The following DGKQ variants were observed in gnomAD, a reference collection of about 807,000 sequenced individuals.
DGKQ encodes DAG kinase theta.
In DGKQ, 97 loss-of-function variants were observed where a neutral mutation model predicts 104.2. The ratio of observed to expected loss-of-function variants is 0.93; its 90% confidence interval spans 0.79 to 1.10. DGKQ has a LOEUF of 1.10. Among genes scored for constraint, DGKQ ranks in the 50% least tolerant of loss-of-function variants. DGKQ has a pLI of 0.00. For synonymous variants in DGKQ, 736 were observed against 595.2 expected, an observed-to-expected ratio of 1.24 and a Z score of -3.44; for missense variants, 1,465 against 1,352.1, an observed-to-expected ratio of 1.08 and a Z score of -1.31.
rs1340216282 is a variant in DGKQ at position 971,640 on chromosome 4, G to T, written c.272-568C>A. On this transcript the variant is annotated intron_variant, in intron 1 of 22. Coordinates refer to ENST00000273814, the MANE Select transcript of DGKQ (RefSeq NM_001347.4). This position sits in a 1 kb window ranked among gnomAD's most constrained non-coding sequence, Gnocchi z 4.0. ...CTCTGGCTGTGTGCATAGGACCCAG[G>T]GAGCACCTGAGCCGGCGGGGTGCTC... Among the ~76,000 whole-genome samples the T allele has an allele frequency of 1.3e-5, 2 of 152,118 alleles. No individual in the cohort carries two copies. The highest frequency in any genetic ancestry group is 4.8e-5 in the African/African-American group (2 of 41,422).
intron 6 of DGKQ, 31 bp downstream of exon 6, chr4:967,849 C>T (rs1166796202): frequency 1.3e-6 from 2 of 1,496,456 alleles, no homozygotes; most frequent in Non-Finnish European, 1.8e-6. Context: ...CAGCCCCCAG[C>T]CCAGGGCGCC....
Position 968,043 on chromosome 4 carries a change from CCTGAG to C in DGKQ, c.664-21_664-17del, listed in dbSNP as rs1335080087. On this transcript the variant is annotated splice_polypyrimidine_tract_variant and intron_variant, in intron 5 of 22. Transcript: ENST00000273814. Reference sequence around the variant, plus strand: ...GGGAGTGCGCCTGGGGGGAGAAGGGCCTGAGCTGGGGGGTTGGAGCCAGGGTGCGG... The same window carrying C: ...GGGAGTGCGCCTGGGGGGAGAAGGGCCTGGGGGGTTGGAGCCAGGGTGCGG... 1.2e-5 allele frequency: 17 copies of C among 1,419,726 alleles called. No homozygotes were observed. The highest frequency in any genetic ancestry group is 3.0e-5 in the Admixed American group (1 of 32,904). 87.9% of individuals were successfully genotyped at this position (1,419,726 alleles called of 1,614,324 possible).
In DGKQ at chr4:968,815, G is replaced by A. The variant is rs149082654; in HGVS notation, c.447C>T (p.Cys149=). 1.5e-4 allele frequency: 244 copies of A among 1,609,496 alleles called. No homozygotes were observed. Among genetic ancestry groups the A allele is most frequent in the African/African-American group, 1.2e-3 (90 of 75,004 alleles). ...AGCCAGGCAGGCTCCAGGTACCTTCGCAGTGGAGCGCCGGTGCCTCCAGGA... is the reference window on the plus strand; with the variant it reads ...AGCCAGGCAGGCTCCAGGTACCTTCACAGTGGAGCGCCGGTGCCTCCAGGA... ...RKVLEAPALH[C]EVCELHLHPD... Residue 149 remains cysteine (C), a synonymous_variant, in exon 3 of 23, where the codon TGC becomes TGT. Transcript: ENST00000273814.
intron 15 of DGKQ, among the ~76,000 whole-genome samples, chr4:964,970 C>A (rs1712185825): frequency 6.6e-6 from 1 of 152,140 alleles, no homozygotes; most frequent in Non-Finnish European, 1.5e-5. Context: ...TGACCTCAGG[C>A]CCCTTGCTGT....
Position 961,713 on chromosome 4 carries a change from C to T in DGKQ, c.2437G>A (p.Gly813Ser), listed in dbSNP as rs1452323743. 3 of 1,612,588 alleles carry T rather than the reference C, an allele frequency of 1.9e-6. No homozygotes were observed. Among genetic ancestry groups the T allele is most frequent in the Non-Finnish European group, 2.5e-6 (3 of 1,179,938 alleles). ...CTGGGGATGTTGATGAAGATGAGGCCTTCAATACTGGGCAGCTCCACCTCC... is the reference window on the plus strand; with the variant it reads ...CTGGGGATGTTGATGAAGATGAGGCTTTCAATACTGGGCAGCTCCACCTCC... ...RQEVELPSIE[G>S]LIFINIPSWG... The change falls in exon 20 of 23, where the codon GGC (glycine) becomes AGC (serine). Residue 813 changes from glycine to serine, a missense_variant. Physicochemically the swap from Gly to Ser is moderately conservative, Grantham distance 56. Coordinates refer to ENST00000273814, the MANE Select transcript of DGKQ (RefSeq NM_001347.4).
Position 967,211 on chromosome 4 carries a change from C to A in DGKQ, c.1138G>T (p.Gly380Cys). 2 of 1,585,826 alleles carry A rather than the reference C, an allele frequency of 1.3e-6. No homozygotes were observed. The highest frequency in any genetic ancestry group is 1.7e-6 in the Non-Finnish European group (2 of 1,167,348). ...ACCCAGGCCTCTGGCGTGGCCTCGC[C>A]GGACCCGGGGCTTCTGCCCTCCTCC... ...ISEEGRSPGS[G>C]EATPEAWVIR... The change falls in exon 9 of 23, where the codon GGC (glycine) becomes TGC (cysteine). Residue 380 changes from glycine to cysteine, a missense_variant. By Grantham distance (159) the Gly-to-Cys change is radical. Coordinates refer to ENST00000273814, the MANE Select transcript of DGKQ (RefSeq NM_001347.4).
chr4:967,774 G>C lies in DGKQ; in HGVS notation c.840C>G (p.Ser280Arg). ...TCTCTCTGCCTGGACCCACGGCAGC[G>C]CTCCCGTCGGCGCCGTCGCCCCCCT... ...PGEGGDGADG[S>R]AAVGPGRETQ... Residue 280 changes from serine (S) to arginine (R), a missense_variant, in exon 7 of 23, where the codon AGC becomes AGG. By Grantham distance (110) the Ser-to-Arg change is moderately radical. Coordinates refer to ENST00000273814, the MANE Select transcript of DGKQ (RefSeq NM_001347.4). 6.2e-7 allele frequency: 1 copy of C among 1,606,504 alleles called. No individual in the cohort carries two copies. The highest frequency in any genetic ancestry group is 2.2e-5 in the East Asian group (1 of 44,570).
Position 971,834 on chromosome 4 carries a change from T to G in DGKQ, c.272-762A>C, listed in dbSNP as rs896212627. 2.0e-5 allele frequency among the ~76,000 whole-genome samples: 3 copies of G among 151,588 alleles called. No homozygotes were observed. The highest frequency in any genetic ancestry group is 2.9e-5 in the Non-Finnish European group (2 of 67,858). On this transcript the variant is annotated intron_variant, in intron 1 of 22. Coordinates refer to ENST00000273814, the MANE Select transcript of DGKQ (RefSeq NM_001347.4). This position sits in a 1 kb window ranked among gnomAD's most constrained non-coding sequence, Gnocchi z 4.0. Reference sequence around the variant, plus strand: ...CTGCCAAGACAGCCCCGGGTGAAGGTTGTGCCACGGAGCCCCAGGCAGTCC... The same window carrying G: ...CTGCCAAGACAGCCCCGGGTGAAGGGTGTGCCACGGAGCCCCAGGCAGTCC...
At chr4:965,601 T>C in intron 13 of DGKQ, 72 bp from the exon 14 acceptor site, 2 of 1,528,356 alleles carry the variant, frequency 1.3e-6, no homozygotes, top group Non-Finnish European at 1.8e-6. Context: ...GGACAGCCCC[T>C]CCGCCTGTCC....
At position 965,253 on chromosome 4, in the gene DGKQ, C is replaced by T. The variant is rs575557821; in HGVS notation, c.1657G>A (p.Glu553Lys). The T allele has an allele frequency of 6.6e-5, 106 of 1,612,678 alleles. 1 individual carries two copies. The Admixed American group carries it at 8.0e-4, about 12-fold the overall frequency. The change falls in exon 15 of 23, where the codon GAG becomes AAG. Residue 553 changes from glutamate to lysine, a missense_variant. Glu to Lys is a moderately conservative substitution (Grantham distance 56). Coordinates refer to ENST00000273814, the MANE Select transcript of DGKQ (RefSeq NM_001347.4). ...VLDVACFAEAERLYMLLKDMA... is the reference protein window; with the variant it reads ...VLDVACFAEAKRLYMLLKDMA... ...TCCTTCAGCAGCATGTACAGCCGCT[C>T]GGCCTCCGCAAAGCAGGCAACGTCC...
At chr4:966,209 A>C (rs542098704) in intron 12 of DGKQ, 131 bp from the exon 13 acceptor site, 5 of 1,067,048 alleles carry the variant, frequency 4.7e-6, no homozygotes, top group Admixed American at 4.8e-5. Flanking sequence ...CAACAGGAAA[A>C]CGAGGAAAGG....
chr4:966,583 C>A, intron 11 of DGKQ, 56 bp from the exon 12 acceptor site: 1 of 1,576,292 alleles, frequency 6.3e-7, no homozygotes, highest in South Asian at 1.1e-5. Context: ...ACCTTGGAAG[C>A]AGCTGCCCGG....
At chr4:972,527 ACTCCGGTCCTGTCCCTCG>A (rs1713010567) in intron 1 of DGKQ, among the ~76,000 whole-genome samples, 1 of 139,834 alleles carries the variant, frequency 7.2e-6, no homozygotes, top group African/African-American at 2.6e-5. Flanking sequence ...AACGTCCAGA[ACTCCGGTCCTGTCCCTCG>A]CTCCCTCCAG....
At position 968,318 on chromosome 4, in the gene DGKQ, C is replaced by G. The variant is rs1306610485; in HGVS notation, c.627G>C (p.Val209=). 6 of 1,343,012 alleles carry G rather than the reference C, an allele frequency of 4.5e-6. No homozygotes were observed. In the South Asian group the frequency reaches 6.5e-5, roughly 14 times the overall value. 83.2% of individuals were successfully genotyped at this position (1,343,012 alleles called of 1,614,324 possible). A position where few individuals can be genotyped will look rare whatever the true frequency, so the allele number is the denominator to read the frequency against. The change falls in exon 5 of 23, where the codon GTG becomes GTC. Residue 209 remains valine, a synonymous_variant. Transcript: ENST00000273814. ...VCRKTCGSSD[V]LAGVRCEWCG... ...ACCACTCGCAGCGCACGCCGGCCAG[C>G]ACGTCAGAGGAGCCGCACGTCTTCC...
At position 965,892 on chromosome 4, in the gene DGKQ, G is replaced by A. The variant is rs764602536; in HGVS notation, c.1579+36C>T. The A allele has an allele frequency of 1.9e-5, 29 of 1,556,538 alleles. No individual in the cohort carries two copies. In the South Asian group the frequency reaches 2.0e-4, roughly 11 times the overall value. On this transcript the variant is annotated intron_variant, in intron 13 of 22. Transcript: ENST00000273814. ...ACTGCCTGCCGCTCGACCCTGCCCC[G>A]TGCCAGCAGCCCACGGCCAGCCACA...
chr4:963,033 C>A, intron 16 of DGKQ, 106 bp downstream of exon 16: 1 of 1,494,594 alleles, frequency 6.7e-7, no homozygotes, highest in Non-Finnish European at 9.0e-7. Context: ...AAGGTCCCAG[C>A]ACGGGATCCC....
intron 1 of DGKQ, 138 bp downstream of exon 1, chr4:973,074 C>T: frequency 3.9e-6 from 5 of 1,273,088 alleles, no homozygotes; most frequent in Non-Finnish European, 5.0e-6. Flanking sequence ...GGCCGCCCCA[C>T]GAAGGCACGT....
chr4:973,307 G>T lies in DGKQ; in HGVS notation c.176C>A (p.Pro59Gln). 6.7e-7 allele frequency: 1 copy of T among 1,493,560 alleles called. No individual in the cohort carries two copies. Among genetic ancestry groups the T allele is most frequent in the Non-Finnish European group, 8.9e-7 (1 of 1,121,320 alleles). The allele number at this position is 1,493,560 out of a possible 1,614,324, so 92.5% of individuals were successfully genotyped here. Residue 59 changes from proline (P) to glutamine (Q), a missense_variant, in exon 1 of 23, where the codon CCG (proline) becomes CAG (glutamine). Transcript: ENST00000273814. ...GVRAPGPAAA[P>Q]GHSFRKVTLT... ...CGTCACCTTCCGGAAGCTGTGTCCCGGCGCGGCAGCGGGGCCCGGGGCTCT... is the reference window on the plus strand; with the variant it reads ...CGTCACCTTCCGGAAGCTGTGTCCCTGCGCGGCAGCGGGGCCCGGGGCTCT...
In DGKQ at chr4:960,562, G is replaced by C. The variant is rs147173078; in HGVS notation, c.*58C>G. The C allele has an allele frequency of 1.6e-5, 25 of 1,531,266 alleles. No individual in the cohort carries two copies. Among genetic ancestry groups the C allele is most frequent in the African/African-American group, 6.8e-5 (5 of 73,560 alleles). 94.9% of individuals were successfully genotyped at this position (1,531,266 alleles called of 1,614,324 possible). A position where few individuals can be genotyped will look rare whatever the true frequency, so the allele number is the denominator to read the frequency against. ...ACGTGGAGCTGCCTCCAGACCACCT[G>C]AAAACAAGGCTGGCGGGAGCAGAGA... On this transcript the variant is annotated 3_prime_UTR_variant, in exon 23 of 23. Coordinates refer to ENST00000273814, the MANE Select transcript of DGKQ (RefSeq NM_001347.4).
Sources: allele counts gnomAD v4.1 joint callset (sites outside exome capture counted in the v4.1 genomes callset), GRCh38; gene constraint gnomAD v4.1.1; non-coding constraint Gnocchi (gnomAD v3.1); transcripts MANE v1.5; gene names NCBI Gene and HGNC (gene_info 2026-07-23, HGNC 2026-07-21).